Variants in SLC2A1 observed in about 807,000 individuals in gnomAD.
SLC2A1 encodes the protein solute carrier family 2 member 1.
Under a neutral mutation model 46.6 loss-of-function variants are expected in SLC2A1, and 4 were observed. That is an observed-to-expected ratio of 0.09 (90% CI 0.04 to 0.20). SLC2A1 has a LOEUF of 0.20. SLC2A1 is among the 10% of genes least tolerant of loss of function. SLC2A1 has a pLI of 1.00. For missense variants in SLC2A1, 352 were observed against 667.0 expected (o/e 0.53, Z 5.20); for synonymous variants, 253 against 270.0 (o/e 0.94, Z 0.62).
intron 1 of SLC2A1, among the ~76,000 whole-genome samples, chr1:42,943,523 G>A (rs1007824017): frequency 6.6e-6 from 1 of 152,108 alleles, no homozygotes; most frequent in African/African-American, 2.4e-5. Flanking sequence ...TGGGCTGGCC[G>A]GGCCATTTCC....
chr1:42,952,040 C>G (rs1019528599), intron 1 of SLC2A1: 2 of 426,072 alleles, frequency 4.7e-6, no homozygotes, highest in African/African-American at 4.1e-5. Context: ...TGAGGGGGCC[C>G]AGATATCCAC....
At chr1:42,934,360 C>T (rs764392642) in intron 2 of SLC2A1, among the ~76,000 whole-genome samples, 1 of 152,202 alleles carries the variant, frequency 6.6e-6, no homozygotes, top group Non-Finnish European at 1.5e-5. Flanking sequence ...CTCTCCAGCC[C>T]ACAGCAGCAC....
intron 2 of SLC2A1, among the ~76,000 whole-genome samples, chr1:42,936,184 G>A (rs1016979255): frequency 3.9e-5 from 6 of 152,132 alleles, no homozygotes; most frequent in African/African-American, 1.4e-4. Flanking sequence ...CCTGGGCCAG[G>A]TTTAGGCTCG....
intron 1 of SLC2A1, chr1:42,952,474 C>G (rs971625947): frequency 2.2e-6 from 1 of 450,646 alleles, no homozygotes; most frequent in Non-Finnish European, 4.5e-6. Flanking sequence ...CCAGCCATGA[C>G]CGCTGGGACA....
Position 42,958,812 on chromosome 1 carries a change from A to C in SLC2A1, c.-161T>G. On this transcript the variant is annotated 5_prime_UTR_variant, in exon 1 of 10. Coordinates refer to ENST00000426263, the MANE Select transcript of SLC2A1 (RefSeq NM_006516.4). ...TGGTCTCCTGCTCCCTGGCGTGCTC[A>C]CTCGGGGACCCGCGACTAGCGACCG... 1.5e-6 allele frequency: 1 copy of C among 669,648 alleles called. No individual in the cohort carries two copies. The highest frequency in any genetic ancestry group is 1.9e-5 in the South Asian group (1 of 53,130). The allele number at this position is 669,648 out of a possible 1,614,324, so 41.5% of individuals were successfully genotyped here. A position where few individuals can be genotyped will look rare whatever the true frequency, so the allele number is the denominator to read the frequency against.
In SLC2A1 at chr1:42,929,275, C is replaced by A. The variant is rs1205631854; in HGVS notation, c.907G>T (p.Val303Leu). Residue 303 changes from valine (V) to leucine (L), a missense_variant, in exon 7 of 10, where the codon GTG (valine) becomes TTG (leucine). By Grantham distance (32) the Val-to-Leu change is conservative. Transcript: ENST00000426263. This position sits in a 1 kb window ranked among gnomAD's most constrained non-coding sequence, Gnocchi z 6.0. ...ATGGTGGCATACACAGGCTGCTGCA[C>A]CCCCGCCTTCTCGAAGATGCTCGTG... ...YSTSIFEKAG[V>L]QQPVYATIGS... 2 of 1,613,754 alleles carry A rather than the reference C, an allele frequency of 1.2e-6. No individual in the cohort carries two copies. The highest frequency in any genetic ancestry group is 1.7e-6 in the Non-Finnish European group (2 of 1,179,882).
At chr1:42,937,521 A>ACAATGGT (rs1398871734) in intron 2 of SLC2A1, among the ~76,000 whole-genome samples, 2 of 152,202 alleles carry the variant, frequency 1.3e-5, no homozygotes, top group African/African-American at 4.8e-5. Flanking sequence ...TCCATCTTCC[A>ACAATGGT]CAATGGTCAA....
intron 1 of SLC2A1, among the ~76,000 whole-genome samples, chr1:42,945,442 T>A (rs1342089325): frequency 6.7e-6 from 1 of 149,940 alleles, no homozygotes; most frequent in African/African-American, 2.5e-5. Flanking sequence ...AAAAAAAAAA[T>A]TGGCTGGGGG....
At position 42,929,373 on chromosome 1, in the gene SLC2A1, T is replaced by TGG; in HGVS notation, c.868-60_868-59insCC. 7.2e-7 allele frequency: 1 copy of TGG among 1,390,044 alleles called. No homozygotes were observed. Among genetic ancestry groups the TGG allele is most frequent in the South Asian group, 1.2e-5 (1 of 82,446 alleles). 86.1% of individuals were successfully genotyped at this position (1,390,044 alleles called of 1,614,324 possible). ...GGACATTGTGGCCCTTCCCTGCCTC[T>TGG]GTAGCAGTGGATGTGGGACCCAGGA... On this transcript the variant is annotated intron_variant, in intron 6 of 9. Transcript: ENST00000426263. This position sits in a 1 kb window ranked among gnomAD's most constrained non-coding sequence, Gnocchi z 6.0.
chr1:42,928,879 A>G, intron 8 of SLC2A1, 53 bp downstream of exon 8: 25 of 1,509,022 alleles, frequency 1.7e-5, no homozygotes, highest in Non-Finnish European at 2.3e-5. Context: ...TTGGGATATG[A>G]AGCCCAGGCA....
intron 2 of SLC2A1, among the ~76,000 whole-genome samples, chr1:42,934,226 C>A (rs994944241): frequency 6.6e-6 from 1 of 152,140 alleles, no homozygotes; most frequent in Non-Finnish European, 1.5e-5. Context: ...GTCAAAGGGA[C>A]CCAACCTTGT....
chr1:42,957,451 C>G (rs1027081374), intron 1 of SLC2A1, among the ~76,000 whole-genome samples: 1 of 152,198 alleles, frequency 6.6e-6, no homozygotes. Context: ...GTAGGAAGGG[C>G]AGTTCAAAAT....
intron 1 of SLC2A1, among the ~76,000 whole-genome samples, chr1:42,956,610 A>T (rs939327544): frequency 2.6e-5 from 4 of 152,082 alleles, no homozygotes; most frequent in South Asian, 2.1e-4. Context: ...TAAAAATAAA[A>T]AAATAAAAAT....
chr1:42,952,508 C>A (rs1024526355), intron 1 of SLC2A1: 4 of 421,842 alleles, frequency 9.5e-6, no homozygotes, highest in Non-Finnish European at 1.5e-5. Flanking sequence ...TCAGCTCCAG[C>A]CGCATAAGGG....
Position 42,926,229 on chromosome 1 carries a change from G to A in SLC2A1, c.*812C>T, listed in dbSNP as rs1159299259. 2.0e-5 allele frequency: 3 copies of A among 152,802 alleles called. No individual in the cohort carries two copies. The highest frequency in any genetic ancestry group is 4.4e-5 in the Non-Finnish European group (3 of 68,170). The allele number at this position is 152,802 out of a possible 1,614,324, so 9.5% of individuals were successfully genotyped here. On this transcript the variant is annotated 3_prime_UTR_variant, in exon 10 of 10. Transcript: ENST00000426263. ...AGGTGGTGTATTTACAAGTTGGCTT[G>A]TCCAGATATACTATAACTTAGTGTC...
chr1:42,947,567 CACACACACACACACAAAAA>C (rs768966492), intron 1 of SLC2A1, among the ~76,000 whole-genome samples: 43 of 96,568 alleles, frequency 4.5e-4, no homozygotes, highest in South Asian at 7.0e-4. Flanking sequence ...ACTAAAATTA[CACACACACACACACAAAAA>C]AAAAAAAAAA....
intron 1 of SLC2A1, among the ~76,000 whole-genome samples, chr1:42,955,437 T>A (rs1643762458): frequency 6.6e-6 from 1 of 152,074 alleles, no homozygotes; most frequent in Non-Finnish European, 1.5e-5. Context: ...GGCGAAACCC[T>A]GTCTCTACCA....
intron 2 of SLC2A1, among the ~76,000 whole-genome samples, chr1:42,932,571 C>T (rs140479507): frequency 2.0e-5 from 3 of 152,336 alleles, no homozygotes; most frequent in African/African-American, 7.2e-5. Flanking sequence ...CATCCCAACA[C>T]CCCTCCGTGT....
At chr1:42,939,796 A>T (rs1208127186) in intron 2 of SLC2A1, among the ~76,000 whole-genome samples, 4 of 151,894 alleles carry the variant, frequency 2.6e-5, no homozygotes, top group African/African-American at 9.7e-5. Flanking sequence ...AAAAACACAA[A>T]AATTAGCTGG....
Sources: allele counts gnomAD v4.1 joint callset (sites outside exome capture counted in the v4.1 genomes callset), GRCh38; gene constraint gnomAD v4.1.1; non-coding constraint Gnocchi (gnomAD v3.1); transcripts MANE v1.5; gene names NCBI Gene and HGNC (gene_info 2026-07-23, HGNC 2026-07-21).